Variants in GTF2I observed in about 807,000 individuals in gnomAD.
GTF2I encodes the protein general transcription factor IIi.
Under a neutral mutation model 67.6 loss-of-function variants are expected in GTF2I, and 12 were observed. That is an observed-to-expected ratio of 0.18 (90% CI 0.11 to 0.29). The LOEUF is 0.29. GTF2I is among the 10% of genes least tolerant of loss of function. The pLI is 1.00. For synonymous variants in GTF2I, 149 were observed against 197.0 expected, an observed-to-expected ratio of 0.76 and a Z score of 2.04; for missense variants, 271 against 580.1, an observed-to-expected ratio of 0.47 and a Z score of 5.47.
intron 1 of GTF2I, among the ~76,000 whole-genome samples, chr7:74,680,731 C>CT (rs1787201250): frequency 6.8e-6 from 1 of 148,010 alleles, no homozygotes; most frequent in South Asian, 2.3e-4. Context: ...CAGAGTGAGA[C>CT]TTTGTCTCAT....
intron 3 of GTF2I, among the ~76,000 whole-genome samples, chr7:74,693,892 T>G (rs1038794849): frequency 6.6e-6 from 1 of 152,102 alleles, no homozygotes; most frequent in Non-Finnish European, 1.5e-5. Context: ...TATAGTGGCC[T>G]CTGAGTGTTC....
Position 74,694,905 on chromosome 7 carries a change from C to G in GTF2I, c.238+3794C>G, listed in dbSNP as rs1464303530. On this transcript the variant is annotated intron_variant, in intron 3 of 34. Coordinates refer to ENST00000573035, the MANE Select transcript of GTF2I (RefSeq NM_032999.4). ...TTTACCATTCTGAAAATCCTGGGGT[C>G]CTGAAGAGTTACACTAAATCTGCTC... is the stretch of plus-strand genomic sequence containing the variant. 2.0e-5 allele frequency among the ~76,000 whole-genome samples: 3 copies of G among 152,140 alleles called. No individual in the cohort carries two copies. The East Asian group carries it at 5.8e-4, about 29-fold the overall frequency.
intron 8 of GTF2I, among the ~76,000 whole-genome samples, chr7:74,707,816 C>T (rs1469914026): frequency 6.6e-6 from 1 of 151,918 alleles, no homozygotes; most frequent in East Asian, 1.9e-4. Context: ...TCAGAAACCC[C>T]ATGTGTTTAA....
At chr7:74,698,100 C>T (rs969122487) in intron 3 of GTF2I, among the ~76,000 whole-genome samples, 7 of 152,166 alleles carry the variant, frequency 4.6e-5, no homozygotes, top group South Asian at 2.1e-4. Context: ...GGACCACAGG[C>T]GCCCGCCACC....
chr7:74,680,099 A>AAAAAAAAAAAAATAT, intron 1 of GTF2I, among the ~76,000 whole-genome samples: 51 of 94,944 alleles, frequency 5.4e-4, no homozygotes, highest in Middle Eastern at 5.4e-3. Flanking sequence ...AAAAAAAAAA[A>AAAAAAAAAAAAATAT]ATATATATAT....
chr7:74,687,893 C>T (rs1253295634), intron 1 of GTF2I, among the ~76,000 whole-genome samples: 1 of 152,062 alleles, frequency 6.6e-6, no homozygotes, highest in Non-Finnish European at 1.5e-5. Context: ...TTTAATTATT[C>T]AATAGCTCCC....
chr7:74,720,741 A>ATTTT (rs35442354), intron 12 of GTF2I, among the ~76,000 whole-genome samples: 6 of 132,328 alleles, frequency 4.5e-5, no homozygotes, highest in East Asian at 4.3e-4. Context: ...TAGAAGCTGT[A>ATTTT]TTTTTTTTTT....
chr7:74,673,850 T>G (rs1805669406), intron 1 of GTF2I, among the ~76,000 whole-genome samples: 1 of 151,488 alleles, frequency 6.6e-6, no homozygotes, highest in Non-Finnish European at 1.5e-5. Context: ...CCAGCTAATT[T>G]TTGTAGTTTT....
chr7:74,698,823 T>C (rs1361478997), intron 3 of GTF2I, 138 bp from the exon 4 acceptor site: 12 of 369,744 alleles, frequency 3.2e-5, no homozygotes, highest in Non-Finnish European at 5.8e-5. Context: ...AAATAGTTTT[T>C]TCCTGTTAGA....
At chr7:74,725,627 G>A (rs111248318) in intron 12 of GTF2I, among the ~76,000 whole-genome samples, 129 of 152,208 alleles carry the variant, frequency 8.5e-4, no homozygotes, top group Non-Finnish European at 1.6e-3. Flanking sequence ...CTGGGAAGTC[G>A]AGGCTGCAGT....
chr7:74,737,262 A>T (rs1287766687), intron 18 of GTF2I, among the ~76,000 whole-genome samples: 7 of 149,928 alleles, frequency 4.7e-5, no homozygotes, highest in Non-Finnish European at 7.5e-5. Context: ...GGAGAAGGCA[A>T]GGATGGCACA....
intron 1 of GTF2I, among the ~76,000 whole-genome samples, chr7:74,673,590 G>T (rs587654929): frequency 6.6e-6 from 1 of 151,630 alleles, no homozygotes; most frequent in Non-Finnish European, 1.5e-5. Flanking sequence ...TGTTAGTCAG[G>T]CTGGTCTCGA....
intron 1 of GTF2I, among the ~76,000 whole-genome samples, chr7:74,667,669 C>G (rs1290843018): frequency 6.6e-6 from 1 of 151,630 alleles, no homozygotes; most frequent in African/African-American, 2.4e-5. Flanking sequence ...GTGCATGCCA[C>G]CACGTCTGGC....
chr7:74,687,686 G>A, intron 1 of GTF2I: 1 of 374,286 alleles, frequency 2.7e-6, no homozygotes, highest in African/African-American at 2.2e-5. Context: ...ATAGGGAAAA[G>A]ATTTACTGAC....
At chr7:74,720,575 C>G (rs1477196066) in intron 12 of GTF2I, among the ~76,000 whole-genome samples, 4 of 152,170 alleles carry the variant, frequency 2.6e-5, no homozygotes, top group African/African-American at 9.6e-5. Flanking sequence ...TGAGAAACCT[C>G]ATTAACAGGA....
At chr7:74,672,923 C>T (rs1554391159) in intron 1 of GTF2I, among the ~76,000 whole-genome samples, 2 of 151,902 alleles carry the variant, frequency 1.3e-5, no homozygotes, top group African/African-American at 4.8e-5. Flanking sequence ...TGCAGTGGCA[C>T]GATCTCGGCT....
intron 8 of GTF2I, among the ~76,000 whole-genome samples, chr7:74,709,797 C>T (rs587752223): frequency 1.3e-5 from 2 of 151,804 alleles, no homozygotes; most frequent in African/African-American, 2.4e-5. Flanking sequence ...CTCAGCCTCT[C>T]GGGTAGCTGG....
At chr7:74,732,291 G>A (rs1171047687) in intron 14 of GTF2I, among the ~76,000 whole-genome samples, 188 bp from the exon 15 acceptor site, 4 of 151,658 alleles carry the variant, frequency 2.6e-5, no homozygotes, top group Admixed American at 1.3e-4. Flanking sequence ...GGAGAATGGC[G>A]TGAGCCCGGG....
At chr7:74,669,651 A>G (rs587754100) in intron 1 of GTF2I, among the ~76,000 whole-genome samples, 73 of 151,358 alleles carry the variant, frequency 4.8e-4, no homozygotes, top group Non-Finnish European at 7.7e-4. Context: ...CTCGTGCCTC[A>G]GCTTCCTGAG....
Sources: gnomAD v4.1 joint callset for allele counts (sites outside exome capture counted in the v4.1 genomes callset) on GRCh38, gnomAD v4.1.1 for gene constraint, MANE v1.5 for transcripts, NCBI Gene and HGNC (gene_info 2026-07-23, HGNC 2026-07-21) for gene names.